Variants in MAPKAP1 observed in about 807,000 individuals in gnomAD.
The protein encoded by MAPKAP1 is MAPK associated protein 1, also known as target of rapamycin complex 2 subunit MAPKAP1.
Under a neutral mutation model 65.7 loss-of-function variants are expected in MAPKAP1, and 20 were observed. That is an observed-to-expected ratio of 0.30 (90% CI 0.21 to 0.44). The LOEUF is 0.44. Among genes scored for constraint, MAPKAP1 ranks in the 20% least tolerant of loss-of-function variants. The pLI, the probability that MAPKAP1 is intolerant of heterozygous loss-of-function variation, is 1.00. For missense variants in MAPKAP1, 423 were observed against 648.0 expected (o/e 0.65, Z 3.77); for synonymous variants, 222 against 244.3 (o/e 0.91, Z 0.85).
At chr9:125,500,169 TTTTTA>T (rs1391496073) in intron 8 of MAPKAP1, among the ~76,000 whole-genome samples, 1 of 152,128 alleles carries the variant, frequency 6.6e-6, no homozygotes, top group Non-Finnish European at 1.5e-5. Flanking sequence ...TGTGTTTTTA[TTTTTA>T]TTTTTTGAGA....
chr9:125,682,594 T>A (rs1437541826), intron 1 of MAPKAP1, among the ~76,000 whole-genome samples: 1 of 152,224 alleles, frequency 6.6e-6, no homozygotes, highest in African/African-American at 2.4e-5. Flanking sequence ...ATTTTTCCAA[T>A]GGGTGTTGTC....
intron 4 of MAPKAP1, among the ~76,000 whole-genome samples, chr9:125,625,797 A>T (rs953487069): frequency 2.6e-5 from 4 of 152,060 alleles, no homozygotes; most frequent in Non-Finnish European, 4.4e-5. Context: ...TCCATCTCAA[A>T]AACAAACAAA....
intron 4 of MAPKAP1, among the ~76,000 whole-genome samples, chr9:125,593,340 T>C (rs976671701): frequency 1.8e-4 from 27 of 151,778 alleles, no homozygotes; most frequent in African/African-American, 6.5e-4. Flanking sequence ...GATACCTTAC[T>C]ATGGCAGGTT....
intron 5 of MAPKAP1, among the ~76,000 whole-genome samples, chr9:125,584,262 G>C (rs963365684): frequency 2.6e-5 from 4 of 152,096 alleles, no homozygotes; most frequent in African/African-American, 9.7e-5. Context: ...CCAGAGCTTT[G>C]TGTCCACAAC....
At chr9:125,580,695 G>C (rs1328254031) in intron 5 of MAPKAP1, among the ~76,000 whole-genome samples, 1 of 149,224 alleles carries the variant, frequency 6.7e-6, no homozygotes, top group African/African-American at 2.5e-5. Flanking sequence ...AAAAAAAAAA[G>C]ACTATAGACA....
intron 4 of MAPKAP1, among the ~76,000 whole-genome samples, chr9:125,656,921 A>C (rs1352529053): frequency 1.3e-5 from 2 of 152,170 alleles, no homozygotes; most frequent in Non-Finnish European, 2.9e-5. Flanking sequence ...TTCTAAAAGG[A>C]AAACAAACAC....
intron 5 of MAPKAP1, among the ~76,000 whole-genome samples, chr9:125,584,655 G>T (rs987161321): frequency 3.3e-5 from 5 of 152,122 alleles, no homozygotes; most frequent in Non-Finnish European, 5.9e-5. Context: ...TCAAACCCCT[G>T]ACCTCAGGTG....
chr9:125,661,862 G>C (rs1175558018), intron 3 of MAPKAP1, among the ~76,000 whole-genome samples: 2 of 151,786 alleles, frequency 1.3e-5, no homozygotes, highest in Non-Finnish European at 2.9e-5. Flanking sequence ...CTACAAAGAG[G>C]GGAATTATTT....
At chr9:125,451,808 GTTT>G (rs71374268) in intron 10 of MAPKAP1, among the ~76,000 whole-genome samples, 1 of 117,860 alleles carries the variant, frequency 8.5e-6, no homozygotes. Flanking sequence ...ACTCACAGGA[GTTT>G]TTTTTTTTTT....
intron 8 of MAPKAP1, among the ~76,000 whole-genome samples, chr9:125,503,880 CTTTTTTTTTTTTTT>C (rs35867576): frequency 7.5e-5 from 5 of 66,258 alleles, no homozygotes; most frequent in East Asian, 6.5e-4. Context: ...CCACGCTTGG[CTTTTTTTTTTTTTT>C]TTTTTTTTTT....
At chr9:125,452,074 T>A (rs1852976461) in intron 10 of MAPKAP1, among the ~76,000 whole-genome samples, 1 of 152,038 alleles carries the variant, frequency 6.6e-6, no homozygotes, top group African/African-American at 2.4e-5. Context: ...CCTCCTGAAG[T>A]GCTGGGATTA....
At chr9:125,449,934 T>G (rs543558362) in intron 10 of MAPKAP1, among the ~76,000 whole-genome samples, 2 of 152,212 alleles carry the variant, frequency 1.3e-5, no homozygotes, top group Non-Finnish European at 2.9e-5. Flanking sequence ...TTTGCTCTTT[T>G]TTTTTTGAGA....
At chr9:125,564,509 T>C (rs374427532) in intron 5 of MAPKAP1, among the ~76,000 whole-genome samples, 8 of 152,154 alleles carry the variant, frequency 5.3e-5, no homozygotes, top group African/African-American at 1.7e-4. Context: ...TGAAGCAGTA[T>C]GAAGAATGCA....
chr9:125,568,834 G>C (rs1479332540), intron 5 of MAPKAP1: 1 of 170,880 alleles, frequency 5.9e-6, no homozygotes. Context: ...CAGAAGCCTG[G>C]CATGCTGACA....
At chr9:125,683,102 C>T (rs1834872562) in intron 1 of MAPKAP1, among the ~76,000 whole-genome samples, 1 of 151,918 alleles carries the variant, frequency 6.6e-6, no homozygotes, top group Non-Finnish European at 1.5e-5. Flanking sequence ...ATTATAGGTG[C>T]CCGCCACCAC....
intron 5 of MAPKAP1, among the ~76,000 whole-genome samples, chr9:125,584,972 G>A (rs1831736497): frequency 6.6e-6 from 1 of 152,134 alleles, no homozygotes; most frequent in Non-Finnish European, 1.5e-5. Context: ...GAGAAAATTA[G>A]AACCATTAAC....
At chr9:125,492,338 CT>C (rs1260071868) in intron 8 of MAPKAP1, among the ~76,000 whole-genome samples, 5 of 152,170 alleles carry the variant, frequency 3.3e-5, no homozygotes, top group Non-Finnish European at 5.9e-5. Flanking sequence ...TTCATTGCCC[CT>C]GATATCTATT....
chr9:125,497,901 C>T (rs928700551), intron 8 of MAPKAP1, among the ~76,000 whole-genome samples: 8 of 152,238 alleles, frequency 5.3e-5, no homozygotes, highest in African/African-American at 1.9e-4. Context: ...TTCTAAGGAC[C>T]TGCATGGACT....
chr9:125,522,940 C>A (rs1829661109), intron 7 of MAPKAP1, among the ~76,000 whole-genome samples: 1 of 152,172 alleles, frequency 6.6e-6, no homozygotes, highest in African/African-American at 2.4e-5. Context: ...TTGTCAAAAT[C>A]ACATCCCTCC....
Sources: gnomAD v4.1 joint callset for allele counts (sites outside exome capture counted in the v4.1 genomes callset) on GRCh38, gnomAD v4.1.1 for gene constraint, MANE v1.5 for transcripts, NCBI Gene and HGNC (gene_info 2026-07-23, HGNC 2026-07-21) for gene names.